NIPA2: variants seen among roughly 807,000 people sequenced by gnomAD.
The protein encoded by NIPA2 is NIPA magnesium transporter 2, also known as magnesium transporter NIPA2.
In NIPA2, 11 loss-of-function variants were observed where a neutral mutation model predicts 29.7. The ratio of observed to expected loss-of-function variants is 0.37; its 90% CI spans 0.23 to 0.61. The LOEUF is 0.61. Ranked by LOEUF, NIPA2 falls within the 20% of genes least tolerant of loss-of-function variation. The pLI is 0.66. For missense variants in NIPA2, 426 were observed against 437.9 expected (o/e 0.97, Z 0.24); for synonymous variants, 183 against 161.9 (o/e 1.13, Z -0.99).
intron 2 of NIPA2, among the ~76,000 whole-genome samples, chr15:22,844,473 G>A (rs146549613): frequency 6.6e-6 from 1 of 152,026 alleles, no homozygotes; most frequent in Non-Finnish European, 1.5e-5. Flanking sequence ...AGACTTGCTT[G>A]AACCCGGGAG....
chr15:22,849,245 C>T (rs1416273746), intron 3 of NIPA2, among the ~76,000 whole-genome samples: 2 of 152,002 alleles, frequency 1.3e-5, no homozygotes, highest in South Asian at 2.1e-4. Context: ...CAGTATTTGG[C>T]ACATAAAGTG....
intron 3 of NIPA2, among the ~76,000 whole-genome samples, chr15:22,845,962 G>A (rs1027037254): frequency 7.2e-5 from 11 of 152,172 alleles, no homozygotes; most frequent in Admixed American, 3.9e-4. Context: ...GATAGCCTTA[G>A]TAAGGTTAGG....
In NIPA2 at chr15:22,839,683, CT is replaced by C. The variant is rs1474521357; in HGVS notation, c.-320del. 1 of 152,106 alleles carries C rather than the reference CT, an allele frequency of 6.6e-6. No individual in the cohort carries two copies. The highest frequency in any genetic ancestry group is 2.4e-5 in the African/African-American group (1 of 41,406). The allele number at this position is 152,106 out of a possible 1,614,324, so 9.4% of individuals were successfully genotyped here. ...GGAGCTACTCGGCCAGGGTTTAAGA[CT>C]TTAAATGAGAATAAAGGGTGGTATT... On this transcript the variant is annotated 5_prime_UTR_variant, in exon 2 of 8. The change abolishes the stop of an existing upstream ORF in the 5' untranslated region. Coordinates refer to ENST00000337451, the MANE Select transcript of NIPA2 (RefSeq NM_030922.7).
chr15:22,852,174 G>A (rs1037259369), intron 4 of NIPA2, among the ~76,000 whole-genome samples: 1 of 152,114 alleles, frequency 6.6e-6, no homozygotes, highest in Non-Finnish European at 1.5e-5. Context: ...GGAAATAAGA[G>A]TCCATGGTTA....
intron 7 of NIPA2, among the ~76,000 whole-genome samples, chr15:22,865,008 T>C (rs1398788553): frequency 1.3e-5 from 2 of 151,954 alleles, no homozygotes; most frequent in East Asian, 2.0e-4. Context: ...ATTACAGGTG[T>C]CTGCCACCAC....
At chr15:22,854,752 A>G (rs1409842616) in intron 5 of NIPA2, among the ~76,000 whole-genome samples, 3 of 152,092 alleles carry the variant, frequency 2.0e-5, no homozygotes, top group Non-Finnish European at 4.4e-5. Context: ...GTCTCAAAAA[A>G]CAAAACAAAA....
At chr15:22,863,514 C>G (rs555521507) in intron 7 of NIPA2, among the ~76,000 whole-genome samples, 1 of 152,316 alleles carries the variant, frequency 6.6e-6, no homozygotes, top group South Asian at 2.1e-4. Context: ...ACACTAAAAT[C>G]CCTGCTTAGT....
At chr15:22,863,004 C>T (rs1438781310) in intron 7 of NIPA2, among the ~76,000 whole-genome samples, 3 of 147,462 alleles carry the variant, frequency 2.0e-5, no homozygotes, top group East Asian at 4.1e-4. Context: ...CGGGCTCAAG[C>T]GATCCTCCCA....
intron 3 of NIPA2, among the ~76,000 whole-genome samples, chr15:22,848,657 C>T (rs55721064): frequency 0.072 from 10,881 of 150,192 alleles, 743 homozygotes; most frequent in African/African-American, 0.18. Context: ...GAAACTCCAT[C>T]TCTACTAAAA....
At chr15:22,840,136 G>T (rs1896620828) in intron 2 of NIPA2, among the ~76,000 whole-genome samples, 1 of 151,846 alleles carries the variant, frequency 6.6e-6, no homozygotes, top group South Asian at 2.1e-4. Flanking sequence ...ACACCGGCTG[G>T]TCTCCTAATT....
chr15:22,840,262 T>C (rs1896660860), intron 2 of NIPA2, among the ~76,000 whole-genome samples: 1 of 148,974 alleles, frequency 6.7e-6, no homozygotes, highest in African/African-American at 2.6e-5. Flanking sequence ...AGTAAAGATT[T>C]CGTAGAAAAC....
intron 5 of NIPA2, 99 bp from the exon 6 acceptor site, chr15:22,858,440 AC>A (rs2058365059): frequency 1.6e-6 from 1 of 610,820 alleles, no homozygotes; most frequent in African/African-American, 1.9e-5. Context: ...GTTACTAAAT[AC>A]AGTTGAAATA....
At chr15:22,845,646 G>T (rs987371039) in intron 3 of NIPA2, among the ~76,000 whole-genome samples, 3 of 152,132 alleles carry the variant, frequency 2.0e-5, no homozygotes, top group African/African-American at 7.2e-5. Context: ...AGCTTAAGGT[G>T]TACCCTGGCC....
At position 22,866,834 on chromosome 15, in the gene NIPA2, T is replaced by TGACA. The variant is rs765194668; in HGVS notation, c.1072_1075dup (p.Ala359AspfsTer8). ...AATGTCTCCCGAAGAAATGGAAATCTGACAGCTTTTTAAGAAAGGTGTAAT... is the reference window on the plus strand; with the variant it reads ...AATGTCTCCCGAAGAAATGGAAATCTGACAGACAGCTTTTTAAGAAAGGTGTAAT... On this transcript the variant is annotated frameshift_variant, in exon 8 of 8. Coordinates refer to ENST00000337451, the MANE Select transcript of NIPA2 (RefSeq NM_030922.7). LOFTEE classifies it high-confidence loss of function. 1 of 1,585,262 alleles carries TGACA rather than the reference T, an allele frequency of 6.3e-7. No individual in the cohort carries two copies. Among genetic ancestry groups the TGACA allele is most frequent in the South Asian group, 1.1e-5 (1 of 87,272 alleles).
rs2059003769 is a variant in NIPA2 at position 22,865,806 on chromosome 15, ACTTGAT to A, written c.449-406_449-401del. ...TTAAAAGTTTCCCCTTTTAGGGAAAACTTGATGAAGAACTCTTGTTTTTGTGTTTTT... is the reference window on the plus strand; with the variant it reads ...TTAAAAGTTTCCCCTTTTAGGGAAAAGAAGAACTCTTGTTTTTGTGTTTTT... On this transcript the variant is annotated intron_variant, in intron 7 of 7. Coordinates refer to ENST00000337451, the MANE Select transcript of NIPA2 (RefSeq NM_030922.7). Among the ~76,000 whole-genome samples the A allele has an allele frequency of 2.2e-4, 33 of 151,626 alleles. No homozygotes were observed. The South Asian group carries it at 6.6e-3, about 31-fold the overall frequency.
chr15:22,855,670 G>A (rs898096787), intron 5 of NIPA2, among the ~76,000 whole-genome samples: 16 of 152,136 alleles, frequency 1.1e-4, no homozygotes, highest in African/African-American at 3.6e-4. Context: ...AAGTCGGAAG[G>A]AGTGTTGTGA....
chr15:22,852,727 G>T (rs945971540), intron 4 of NIPA2, among the ~76,000 whole-genome samples: 2 of 152,132 alleles, frequency 1.3e-5, no homozygotes, highest in African/African-American at 4.8e-5. Context: ...AGGGACACTC[G>T]TGGTAGCTCC....
chr15:22,855,254 A>G (rs1232286279), intron 5 of NIPA2, among the ~76,000 whole-genome samples: 1 of 151,834 alleles, frequency 6.6e-6, no homozygotes, highest in Non-Finnish European at 1.5e-5. Flanking sequence ...CTAGTAAAAA[A>G]AAAAACAAAA....
At chr15:22,840,541 C>A (rs1174141023) in intron 2 of NIPA2, among the ~76,000 whole-genome samples, 3 of 151,304 alleles carry the variant, frequency 2.0e-5, no homozygotes, top group Admixed American at 2.0e-4. Flanking sequence ...CTCAGGTGAT[C>A]CGCCCGCCTC....
Sources: gnomAD v4.1 joint callset for allele counts (sites outside exome capture counted in the v4.1 genomes callset) on GRCh38, gnomAD v4.1.1 for gene constraint, MANE v1.5 for transcripts, NCBI Gene and HGNC (gene_info 2026-07-23, HGNC 2026-07-21) for gene names.